ANO4: variants seen among roughly 807,000 people sequenced by gnomAD.
ANO4 encodes the protein anoctamin 4.
ANO4 carries 69 observed loss-of-function variants against 141.9 expected under a neutral mutation model. The ratio of observed to expected loss-of-function variants is 0.49; its 90% CI spans 0.40 to 0.59. The LOEUF is 0.59. Ranked by LOEUF, ANO4 falls within the 20% of genes least tolerant of loss-of-function variation. The pLI is 0.00. For missense variants in ANO4, 894 were observed against 1,162.2 expected (o/e 0.77, Z 3.36); for synonymous variants, 350 against 394.3 (o/e 0.89, Z 1.33).
At chr12:100,888,332 A>G (rs2039939502) in intron 1 of ANO4, among the ~76,000 whole-genome samples, 1 of 152,224 alleles carries the variant, frequency 6.6e-6, no homozygotes, top group South Asian at 2.1e-4. Context: ...TAAAGATGTT[A>G]CAAAGGAGAG....
At chr12:100,795,078 G>C (rs546352931) in intron 1 of ANO4, 51 bp downstream of exon 1, 2 of 152,706 alleles carry the variant, frequency 1.3e-5, no homozygotes, top group Non-Finnish European at 2.9e-5. Context: ...GAACTGAACC[G>C]TTCGTTCCCC....
chr12:101,043,754 T>C, intron 13 of ANO4, 119 bp downstream of exon 13: 2 of 698,436 alleles, frequency 2.9e-6, no homozygotes, highest in Non-Finnish European at 2.5e-6. Context: ...TGTTGTAGGA[T>C]AGACTTATCT....
chr12:100,728,324 C>T (rs938087952), intron 1 of ANO4, among the ~76,000 whole-genome samples: 2 of 152,200 alleles, frequency 1.3e-5, no homozygotes, highest in Admixed American at 1.3e-4. Context: ...CACACTTTTT[C>T]GCTAAGCAGT....
At chr12:100,904,116 A>C (rs2040727398) in intron 2 of ANO4, among the ~76,000 whole-genome samples, 1 of 152,172 alleles carries the variant, frequency 6.6e-6, no homozygotes, top group African/African-American at 2.4e-5. Flanking sequence ...TGTACTCCCA[A>C]TAAATATTTG....
At chr12:100,852,790 T>C (rs2037947080) in intron 1 of ANO4, among the ~76,000 whole-genome samples, 1 of 152,202 alleles carries the variant, frequency 6.6e-6, no homozygotes. Context: ...CAAATATACA[T>C]GTCCTAGTCA....
chr12:100,775,287 C>T (rs141267934), intron 3 of ANO4, among the ~76,000 whole-genome samples: 3 of 152,172 alleles, frequency 2.0e-5, no homozygotes, highest in East Asian at 1.9e-4. Flanking sequence ...AAAATACGTT[C>T]GTTAAAAATG....
rs148086155 is a variant in ANO4 at position 101,059,281 on chromosome 12, T to C, written c.1312+10880T>C. Among the ~76,000 whole-genome samples the C allele has an allele frequency of 8.5e-5, 13 of 152,352 alleles. No homozygotes were observed. The East Asian group carries it at 2.3e-3, about 27-fold the overall frequency. On this transcript the variant is annotated intron_variant, in intron 14 of 27. Transcript: ENST00000392977. ...CAGTTTTCCAGTATTTCATTGAGGA[T>C]TTTCGCATAGATGTTCATCAGTGAT...
At chr12:100,728,399 T>A (rs576479962) in intron 1 of ANO4, among the ~76,000 whole-genome samples, 1 of 152,310 alleles carries the variant, frequency 6.6e-6, no homozygotes, top group African/African-American at 2.4e-5. Flanking sequence ...GATAACTGAC[T>A]GTCAAAGATG....
chr12:100,968,612 A>G (rs945995671), intron 5 of ANO4, among the ~76,000 whole-genome samples: 2 of 152,228 alleles, frequency 1.3e-5, no homozygotes, highest in African/African-American at 2.4e-5. Context: ...AGGAAGCCAC[A>G]AAGCCTTCCC....
chr12:100,846,513 A>G (rs1156800672), intron 1 of ANO4, among the ~76,000 whole-genome samples: 1 of 152,204 alleles, frequency 6.6e-6, no homozygotes, highest in Non-Finnish European at 1.5e-5. Context: ...ATTTGGGACT[A>G]AAGCAATATC....
intron 14 of ANO4, among the ~76,000 whole-genome samples, chr12:101,076,378 A>C (rs547098498): frequency 6.6e-6 from 1 of 152,202 alleles, no homozygotes; most frequent in African/African-American, 2.4e-5. Flanking sequence ...CCTTGATCTT[A>C]TATTTCCCAG....
intron 1 of ANO4, among the ~76,000 whole-genome samples, chr12:100,812,379 C>G (rs1359503478): frequency 6.6e-6 from 1 of 152,068 alleles, no homozygotes; most frequent in Admixed American, 6.6e-5. Context: ...ACAAAACAGG[C>G]AATATTTTAT....
intron 3 of ANO4, among the ~76,000 whole-genome samples, chr12:100,931,252 C>T (rs1006956598): frequency 9.9e-5 from 15 of 151,702 alleles, no homozygotes. Flanking sequence ...TTTGTATTTC[C>T]GTGAATTTTT....
chr12:100,849,355 A>C (rs1214959434), intron 1 of ANO4, among the ~76,000 whole-genome samples: 2 of 152,224 alleles, frequency 1.3e-5, no homozygotes, highest in East Asian at 3.8e-4. Flanking sequence ...GTATGTTACA[A>C]ATTTTAAAGA....
At chr12:100,778,171 G>A (rs953627999) in intron 3 of ANO4, among the ~76,000 whole-genome samples, 10 of 152,116 alleles carry the variant, frequency 6.6e-5, no homozygotes, top group Admixed American at 1.3e-4. Flanking sequence ...CGCCTGCCTC[G>A]GCCTCCCAAA....
At chr12:100,997,752 A>G (rs1166192413) in intron 8 of ANO4, among the ~76,000 whole-genome samples, 1 of 152,104 alleles carries the variant, frequency 6.6e-6, no homozygotes, top group Non-Finnish European at 1.5e-5. Context: ...GAAAACCAAT[A>G]CCATAGGTAA....
intron 8 of ANO4, among the ~76,000 whole-genome samples, chr12:101,019,473 G>C (rs973691052): frequency 6.6e-6 from 1 of 152,080 alleles, no homozygotes; most frequent in Non-Finnish European, 1.5e-5. Flanking sequence ...TCAATCTTAA[G>C]TGTGTGCTTT....
intron 3 of ANO4, among the ~76,000 whole-genome samples, chr12:100,757,414 C>T (rs1048633983): frequency 2.6e-5 from 4 of 152,288 alleles, no homozygotes; most frequent in African/African-American, 7.2e-5. Flanking sequence ...GTCTAGAGAA[C>T]AAAGTTTATT....
At chr12:100,853,109 G>A (rs1042757389) in intron 1 of ANO4, among the ~76,000 whole-genome samples, 1 of 152,062 alleles carries the variant, frequency 6.6e-6, no homozygotes, top group Non-Finnish European at 1.5e-5. Context: ...TGAGCTGCCT[G>A]TTCAAGTCTC....
Sources: allele counts gnomAD v4.1 joint callset (sites outside exome capture counted in the v4.1 genomes callset), GRCh38; gene constraint gnomAD v4.1.1; transcripts MANE v1.5; gene names NCBI Gene and HGNC (gene_info 2026-07-23, HGNC 2026-07-21).